The following FRMD4A variants were observed in gnomAD, a reference collection of about 807,000 sequenced individuals.
The protein encoded by FRMD4A is FERM domain-containing protein 4A.
Under a neutral mutation model 129.1 loss-of-function variants are expected in FRMD4A, and 29 were observed. That is an observed-to-expected ratio of 0.22 (90% confidence interval 0.17 to 0.31). The LOEUF (loss-of-function observed/expected upper bound fraction) is 0.31, where lower values mean the gene tolerates loss of function less well. FRMD4A is among the 10% of genes least tolerant of loss of function. The pLI, the probability that FRMD4A is intolerant of heterozygous loss-of-function variation, is 1.00. For missense variants in FRMD4A, 1,272 were observed against 1,375.8 expected, an observed-to-expected ratio of 0.92 and a Z score of 1.19; for synonymous variants, 634 against 571.6, an observed-to-expected ratio of 1.11 and a Z score of -1.56.
chr10:13,700,611 G>T (rs1031493892), intron 14 of FRMD4A, among the ~76,000 whole-genome samples: 1 of 152,142 alleles, frequency 6.6e-6, no homozygotes, highest in Non-Finnish European at 1.5e-5. Context: ...CTTGTGGGGG[G>T]CTGACAGGGG....
At chr10:14,186,813 T>A (rs539656848) in intron 2 of FRMD4A, among the ~76,000 whole-genome samples, 1 of 152,238 alleles carries the variant, frequency 6.6e-6, no homozygotes, top group Admixed American at 6.5e-5. Flanking sequence ...GGACACAAGT[T>A]GTACCCTTAA....
At position 14,044,598 on chromosome 10, in the gene FRMD4A, T is replaced by C. The variant is rs1031847771; in HGVS notation, c.46-185686A>G. Among the ~76,000 whole-genome samples, 4 of 152,198 alleles carry C rather than the reference T, an allele frequency of 2.6e-5. No individual in the cohort carries two copies. In the South Asian group the frequency reaches 8.3e-4, roughly 31 times the overall value. On this transcript the variant is annotated intron_variant, in intron 2 of 24. Transcript: ENST00000357447. The stretch of plus-strand genomic sequence containing the variant: ...GAAGCCCAGGAATGCCAAGGACTGC[T>C]GGCAAGCAGCAGGAGCTGGGAGAGG...
At chr10:13,855,198 G>C (rs936581506) in intron 3 of FRMD4A, among the ~76,000 whole-genome samples, 1 of 152,112 alleles carries the variant, frequency 6.6e-6, no homozygotes, top group African/African-American at 2.4e-5. Flanking sequence ...TGTTATGCTC[G>C]GAGTGGCCGA....
chr10:14,068,520 C>G (rs1439340403), intron 2 of FRMD4A, among the ~76,000 whole-genome samples: 3 of 152,136 alleles, frequency 2.0e-5, no homozygotes, highest in Non-Finnish European at 4.4e-5. Context: ...TTAAACCTAA[C>G]TTTGGACTGT....
At chr10:13,870,365 C>T (rs2131081453) in intron 2 of FRMD4A, among the ~76,000 whole-genome samples, 1 of 152,370 alleles carries the variant, frequency 6.6e-6, no homozygotes, top group South Asian at 2.1e-4. Context: ...CATCGCTCCT[C>T]TCAGTTTCAA....
At chr10:14,188,607 T>G (rs1350530237) in intron 2 of FRMD4A, among the ~76,000 whole-genome samples, 1 of 152,186 alleles carries the variant, frequency 6.6e-6, no homozygotes, top group Non-Finnish European at 1.5e-5. Flanking sequence ...GACATTAGCT[T>G]TCTTCAAAGT....
At chr10:13,924,440 C>T (rs2095107215) in intron 2 of FRMD4A, among the ~76,000 whole-genome samples, 1 of 151,700 alleles carries the variant, frequency 6.6e-6, no homozygotes, top group Non-Finnish European at 1.5e-5. Flanking sequence ...TCAGAAAAGC[C>T]ATGCTCCCAC....
intron 2 of FRMD4A, among the ~76,000 whole-genome samples, chr10:14,170,390 C>G (rs1430348933): frequency 6.6e-6 from 1 of 152,186 alleles, no homozygotes. Context: ...TTGCCCCTTT[C>G]ATAAAATGAC....
intron 2 of FRMD4A, among the ~76,000 whole-genome samples, chr10:14,086,859 T>C (rs1478913961): frequency 1.3e-5 from 2 of 151,880 alleles, no homozygotes; most frequent in East Asian, 1.9e-4. Context: ...CAGCAGGGAG[T>C]TGGAGAAACG....
intron 2 of FRMD4A, among the ~76,000 whole-genome samples, chr10:14,077,006 G>T (rs1487090322): frequency 2.0e-5 from 3 of 152,194 alleles, no homozygotes; most frequent in African/African-American, 7.2e-5. Flanking sequence ...GGCTTACAGA[G>T]AAGATAGCTC....
chr10:14,128,011 T>TCTTTCTTC (rs1414387374), intron 2 of FRMD4A, among the ~76,000 whole-genome samples: 9 of 96,880 alleles, frequency 9.3e-5, no homozygotes, highest in African/African-American at 3.6e-4. Flanking sequence ...TTTCTTTCTT[T>TCTTTCTTC]CTTCCTTCCT....
At chr10:13,680,511 A>G (rs184837043) in intron 15 of FRMD4A, among the ~76,000 whole-genome samples, 8 of 148,978 alleles carry the variant, frequency 5.4e-5, no homozygotes, top group African/African-American at 2.1e-4. Flanking sequence ...GCAGATCAGG[A>G]GGTCAGATTT....
At chr10:13,955,611 T>A (rs2095405933) in intron 2 of FRMD4A, among the ~76,000 whole-genome samples, 1 of 152,206 alleles carries the variant, frequency 6.6e-6, no homozygotes, top group South Asian at 2.1e-4. Context: ...ACCCTTGAAG[T>A]CTGGGGCTAC....
chr10:13,908,674 G>C (rs1466256631), intron 2 of FRMD4A, among the ~76,000 whole-genome samples: 1 of 152,314 alleles, frequency 6.6e-6, no homozygotes, highest in South Asian at 2.1e-4. Flanking sequence ...TCCTCTGCCT[G>C]CCAAGCTCCT....
rs183391158 is a variant in FRMD4A, at chr10:13,833,547, T to C, written c.112-22639A>G. On this transcript the variant is annotated intron_variant, in intron 3 of 24. Coordinates refer to ENST00000357447, the MANE Select transcript of FRMD4A (RefSeq NM_018027.5). The stretch of plus-strand genomic sequence containing the variant: ...CCTGACATTCATGGGGCATCTGCCC[T>C]GTGCCCGGTGGTTAAGGGCCCAGAT... 3.7e-3 allele frequency among the ~76,000 whole-genome samples: 567 copies of C among 152,302 alleles called. 4 individuals are homozygous for C. The highest frequency in any genetic ancestry group is 0.013 in the African/African-American group (532 of 41,560).
intron 14 of FRMD4A, among the ~76,000 whole-genome samples, chr10:13,696,517 G>A (rs1206585487): frequency 6.6e-6 from 1 of 152,202 alleles, no homozygotes; most frequent in African/African-American, 2.4e-5. Flanking sequence ...GCCGAGGTGG[G>A]TGGATCACTT....
At chr10:13,820,517 T>C (rs1379383461) in intron 3 of FRMD4A, among the ~76,000 whole-genome samples, 4 of 150,582 alleles carry the variant, frequency 2.7e-5, no homozygotes, top group Non-Finnish European at 5.9e-5. Context: ...GTCAAAAGAG[T>C]TGCCACTTCT....
Position 13,769,648 on chromosome 10 carries a change from C to G in FRMD4A, c.385-6968G>C, listed in dbSNP as rs534767622. Among the ~76,000 whole-genome samples, 7 of 152,036 alleles carry G rather than the reference C, an allele frequency of 4.6e-5. No individual in the cohort carries two copies. In the East Asian group the frequency reaches 1.3e-3, roughly 29 times the overall value. ...ATTAAACAGTTTCTGGATGTGTCTA[C>G]GAGGGTGTTTCTGGATGAGATCAGC... On this transcript the variant is annotated intron_variant, in intron 6 of 24. Transcript: ENST00000357447.
At chr10:14,299,209 T>G (rs755517862) in intron 2 of FRMD4A, among the ~76,000 whole-genome samples, 4 of 152,308 alleles carry the variant, frequency 2.6e-5, no homozygotes, top group Non-Finnish European at 5.9e-5. Flanking sequence ...GGAAAACTTC[T>G]TGTCAAAGTG....
Sources: gnomAD v4.1 joint callset for allele counts (sites outside exome capture counted in the v4.1 genomes callset) on GRCh38, gnomAD v4.1.1 for gene constraint, MANE v1.5 for transcripts, NCBI Gene and HGNC (gene_info 2026-07-23, HGNC 2026-07-21) for gene names.